The following PECAM1 variants were observed in gnomAD, a reference collection of about 807,000 sequenced individuals.
The protein encoded by PECAM1 is platelet and endothelial cell adhesion molecule 1.
A neutral mutation model predicts 13.8 loss-of-function variants in PECAM1; 8 were observed. The observed-to-expected ratio is 0.58, with a 90% CI of 0.34 to 1.05. The LOEUF (loss-of-function observed/expected upper bound fraction) is 1.05. Ranked by LOEUF, PECAM1 falls within the 50% of genes least tolerant of loss-of-function variation. The probability of loss-of-function intolerance (pLI) is 0.03; values close to 1 mark genes in which losing one functional copy is unlikely to be tolerated. For missense variants in PECAM1, 304 were observed against 141.2 expected, an observed-to-expected ratio of 2.15 and a Z score of -5.84; for synonymous variants, 136 against 52.6, an observed-to-expected ratio of 2.58 and a Z score of -6.86.
chr17:64,359,238 C>T (rs2035917291), intron 7 of PECAM1, among the ~76,000 whole-genome samples: 2 of 152,262 alleles, frequency 1.3e-5, no homozygotes, highest in South Asian at 4.1e-4. Flanking sequence ...GAGGAGGAAG[C>T]CTTATTAAAC....
At chr17:64,340,900 C>T (rs2035410726) in intron 14 of PECAM1, among the ~76,000 whole-genome samples, 1 of 152,110 alleles carries the variant, frequency 6.6e-6, no homozygotes, top group Non-Finnish European at 1.5e-5. Context: ...GAGTTTGCGA[C>T]CAGCTTGACC....
intron 2 of PECAM1, chr17:64,390,183 A>C (rs1421888121): frequency 1.7e-5 from 6 of 359,358 alleles, no homozygotes; most frequent in African/African-American, 1.3e-4. Flanking sequence ...AGTAGTCGTG[A>C]GAACAGAGAA....
chr17:64,370,485 C>T (rs2036215734), intron 4 of PECAM1: 1 of 152,482 alleles, frequency 6.6e-6, no homozygotes, highest in Admixed American at 6.6e-5. Context: ...TCGCATGCCT[C>T]CAAAAAAGTG....
At chr17:64,345,831 C>A (rs999337504) in intron 13 of PECAM1, among the ~76,000 whole-genome samples, 1 of 152,152 alleles carries the variant, frequency 6.6e-6, no homozygotes, top group African/African-American at 2.4e-5. Flanking sequence ...ACACAACCCC[C>A]GGGGGCCATT....
chr17:64,322,964 C>T lies in PECAM1; in HGVS notation c.*852G>A, dbSNP rs1171703516. ...TCAGGTGATCCGCCCACCTCAGCCT[C>T]CTGAAGTGCTGGGATTACAGGCGTG... On this transcript the variant is annotated 3_prime_UTR_variant, in exon 16 of 16. Coordinates refer to ENST00000563924, the MANE Select transcript of PECAM1 (RefSeq NM_000442.5). 2.6e-6 allele frequency: 2 copies of T among 766,152 alleles called. No homozygotes were observed. The highest frequency in any genetic ancestry group is 1.9e-5 in the African/African-American group (1 of 52,822). 47.5% of individuals were successfully genotyped at this position (766,152 alleles called of 1,614,324 possible).
At chr17:64,389,589 T>C (rs1448102631) in intron 2 of PECAM1, among the ~76,000 whole-genome samples, 1 of 152,326 alleles carries the variant, frequency 6.6e-6, no homozygotes, top group East Asian at 1.9e-4. Context: ...TCTTCATATG[T>C]CTAACAAATC....
At position 64,372,971 on chromosome 17, in the gene PECAM1, A is replaced by G. The variant is rs1041982136; in HGVS notation, c.691+2080T>C. 2.9e-3 allele frequency among the ~76,000 whole-genome samples: 436 copies of G among 151,270 alleles called. 3 individuals carry two copies. The highest frequency in any genetic ancestry group is 9.8e-3 in the African/African-American group (408 of 41,468). On this transcript the variant is annotated intron_variant, in intron 4 of 15. Transcript: ENST00000563924. Reference sequence around the variant, plus strand: ...CTCAACTAAAAATACAAAATTAGCCAGGCGTGGTGGCACATGCCTAATCCC... The same window carrying G: ...CTCAACTAAAAATACAAAATTAGCCGGGCGTGGTGGCACATGCCTAATCCC...
At chr17:64,386,403 CAAA>C (rs59994359) in intron 2 of PECAM1, among the ~76,000 whole-genome samples, 12 of 113,126 alleles carry the variant, frequency 1.1e-4, no homozygotes, top group African/African-American at 3.2e-4. Context: ...GAGACTCTGT[CAAA>C]AAAAAAAAAA....
chr17:64,323,291 A>T lies in PECAM1; in HGVS notation c.*525T>A. ...TCCCATTTGTGGAGGGCGAGGTCAT[A>T]GAGGGGACAGGGGGAGGCTGTCTGG... On this transcript the variant is annotated 3_prime_UTR_variant, in exon 16 of 16. Coordinates refer to ENST00000563924, the MANE Select transcript of PECAM1 (RefSeq NM_000442.5). The T allele has an allele frequency of 1.0e-6, 1 of 999,362 alleles. No individual in the cohort carries two copies. The highest frequency in any genetic ancestry group is 1.2e-6 in the Non-Finnish European group (1 of 838,084). 61.9% of individuals were successfully genotyped at this position (999,362 alleles called of 1,614,324 possible).
At chr17:64,331,924 C>G (rs972143804) in intron 14 of PECAM1, among the ~76,000 whole-genome samples, 3 of 152,210 alleles carry the variant, frequency 2.0e-5, no homozygotes, top group African/African-American at 4.8e-5. Context: ...TCAGTCTTAT[C>G]GAGAAAAGTA....
chr17:64,339,358 G>A (rs1224727861), intron 14 of PECAM1, among the ~76,000 whole-genome samples: 3 of 152,098 alleles, frequency 2.0e-5, no homozygotes, highest in African/African-American at 7.2e-5. Context: ...AATGGGATTT[G>A]TGGTGAATCC....
intron 13 of PECAM1, among the ~76,000 whole-genome samples, chr17:64,345,142 G>A (rs2035531097): frequency 6.6e-6 from 1 of 152,058 alleles, no homozygotes; most frequent in African/African-American, 2.4e-5. Flanking sequence ...CCTCCTTCTT[G>A]TCCCTTCAAC....
chr17:64,390,827 G>A lies in PECAM1; in HGVS notation c.-162C>T, dbSNP rs1041756393. On this transcript the variant is annotated 5_prime_UTR_variant, in exon 1 of 16. Transcript: ENST00000563924. ...CGCCTGCAGAGAGACCGGCTGTGGCGCTGGTCAGGTAATGGCAGCCATGGC... is the reference window on the plus strand; with the variant it reads ...CGCCTGCAGAGAGACCGGCTGTGGCACTGGTCAGGTAATGGCAGCCATGGC... The A allele has an allele frequency of 3.8e-5, 15 of 397,184 alleles. No individual in the cohort carries two copies. The highest frequency in any genetic ancestry group is 2.1e-4 in the African/African-American group (10 of 48,738). 24.6% of individuals were successfully genotyped at this position (397,184 alleles called of 1,614,324 possible). A position where few individuals can be genotyped will look rare whatever the true frequency, so the allele number is the denominator to read the frequency against.
At chr17:64,378,886 T>C (rs1309970866) in intron 2 of PECAM1, 1 of 152,176 alleles carries the variant, frequency 6.6e-6, no homozygotes, top group Non-Finnish European at 1.5e-5. Context: ...GTGCCCGATA[T>C]ACATTAAGTG....
intron 2 of PECAM1, among the ~76,000 whole-genome samples, chr17:64,378,353 GATGTAGAGCTAGGT>G (rs2036409390): frequency 6.6e-6 from 1 of 152,166 alleles, no homozygotes; most frequent in Non-Finnish European, 1.5e-5. Flanking sequence ...GTGTGATAAA[GATGTAGAGCTAGGT>G]ATGGTGGCTC....
At chr17:64,356,820 T>C (rs2035857415) in intron 7 of PECAM1, among the ~76,000 whole-genome samples, 1 of 152,162 alleles carries the variant, frequency 6.6e-6, no homozygotes. Context: ...CTGCCTTCTC[T>C]AGCTATCGGC....
chr17:64,377,299 A>T (rs2036381744), intron 3 of PECAM1, among the ~76,000 whole-genome samples: 1 of 152,218 alleles, frequency 6.6e-6, no homozygotes, highest in African/African-American at 2.4e-5. Flanking sequence ...TGTTTTGGAA[A>T]GAGAAGACAT....
chr17:64,332,395 G>A (rs1252839379), intron 14 of PECAM1, among the ~76,000 whole-genome samples: 1 of 152,134 alleles, frequency 6.6e-6, no homozygotes, highest in Non-Finnish European at 1.5e-5. Flanking sequence ...CCTCAAGTAG[G>A]CATTTTCTAA....
At chr17:64,359,746 C>T (rs1304462725) in intron 7 of PECAM1, among the ~76,000 whole-genome samples, 8 of 127,242 alleles carry the variant, frequency 6.3e-5, no homozygotes, top group Non-Finnish European at 1.2e-4. Flanking sequence ...TAAGCACCCA[C>T]TACTTCTCTC....
Sources: gnomAD v4.1 joint callset for allele counts (sites outside exome capture counted in the v4.1 genomes callset) on GRCh38, gnomAD v4.1.1 for gene constraint, MANE v1.5 for transcripts, NCBI Gene and HGNC (gene_info 2026-07-23, HGNC 2026-07-21) for gene names.